MYO1E: variants seen among roughly 807,000 people sequenced by gnomAD.
The protein encoded by MYO1E is myosin IE.
A neutral mutation model predicts 151.1 loss-of-function variants in MYO1E; 68 were observed. The observed-to-expected ratio is 0.45, with a 90% CI of 0.37 to 0.55. The LOEUF (loss-of-function observed/expected upper bound fraction) is 0.55, where lower values mean the gene tolerates loss of function less well. Ranked by LOEUF, MYO1E falls within the 20% of genes least tolerant of loss-of-function variation. MYO1E has a pLI of 0.00. For synonymous variants in MYO1E, 601 were observed against 501.7 expected, an observed-to-expected ratio of 1.20 and a Z score of -2.64; for missense variants, 1,363 against 1,389.3, an observed-to-expected ratio of 0.98 and a Z score of 0.30.
chr15:59,161,083 G>C lies in MYO1E; in HGVS notation c.2775C>G (p.Pro925=), dbSNP rs2079535505. ...CCGTGGAGCACTTACGGGAGTTCTT[G>C]GGCAGTCCAGGTCCGATGCTGACCT... ...VLQVSIGPGL[P]KNSRPTRRNT... is the part of the protein sequence containing the mutation. The change falls in exon 24 of 28, where the codon CCC becomes CCG. Residue 925 remains proline (P), a synonymous_variant. Transcript: ENST00000288235. The C allele has an allele frequency of 6.2e-7, 1 of 1,613,338 alleles. No individual in the cohort carries two copies. Among genetic ancestry groups the C allele is most frequent in the South Asian group, 1.1e-5 (1 of 91,050 alleles).
At chr15:59,270,436 G>C (rs1375224510) in intron 2 of MYO1E, among the ~76,000 whole-genome samples, 1 of 151,476 alleles carries the variant, frequency 6.6e-6, no homozygotes, top group East Asian at 2.0e-4. Context: ...CCAGCTACTT[G>C]GGAGGCTGAG....
intron 23 of MYO1E, among the ~76,000 whole-genome samples, chr15:59,162,559 T>C (rs1246879095): frequency 2.0e-5 from 3 of 151,242 alleles, no homozygotes; most frequent in African/African-American, 4.9e-5. Flanking sequence ...GGCAGGAGAA[T>C]TGCTTGAACC....
At chr15:59,367,949 G>A (rs1181371907) in intron 1 of MYO1E, among the ~76,000 whole-genome samples, 1 of 151,986 alleles carries the variant, frequency 6.6e-6, no homozygotes, top group Non-Finnish European at 1.5e-5. Context: ...GTAAAACCCT[G>A]TCTCTACTAA....
intron 1 of MYO1E, among the ~76,000 whole-genome samples, chr15:59,299,354 AG>A (rs1247008068): frequency 1.3e-5 from 2 of 152,258 alleles, no homozygotes; most frequent in Non-Finnish European, 2.9e-5. Flanking sequence ...CAGTAATTAC[AG>A]GGATGGCATT....
chr15:59,244,244 G>A (rs1358220251), intron 4 of MYO1E, among the ~76,000 whole-genome samples: 1 of 152,226 alleles, frequency 6.6e-6, no homozygotes, highest in Non-Finnish European at 1.5e-5. Flanking sequence ...ATGGCCCCAT[G>A]GCAATGCTCA....
intron 16 of MYO1E, among the ~76,000 whole-genome samples, chr15:59,201,679 C>T (rs1001773272): frequency 1.3e-5 from 2 of 152,186 alleles, no homozygotes; most frequent in Non-Finnish European, 1.5e-5. Flanking sequence ...GCTGGGATTA[C>T]AGGCGTGAGC....
intron 26 of MYO1E, among the ~76,000 whole-genome samples, chr15:59,145,136 T>A (rs1253189442): frequency 6.6e-6 from 1 of 151,572 alleles, no homozygotes; most frequent in Non-Finnish European, 1.5e-5. Flanking sequence ...AGCCACCGCA[T>A]CCGGCCAGGA....
intron 1 of MYO1E, among the ~76,000 whole-genome samples, chr15:59,295,459 C>T (rs2080443253): frequency 6.6e-6 from 1 of 152,164 alleles, no homozygotes; most frequent in African/African-American, 2.4e-5. Context: ...GCCAGGAAGG[C>T]AAGGCTGAGT....
chr15:59,246,390 C>G (rs1326444813), intron 4 of MYO1E, among the ~76,000 whole-genome samples: 2 of 152,214 alleles, frequency 1.3e-5, no homozygotes, highest in Admixed American at 1.3e-4. Context: ...AGGCGTGAGC[C>G]ACCATGCCCA....
At chr15:59,357,184 G>C (rs2080858991) in intron 1 of MYO1E, among the ~76,000 whole-genome samples, 2 of 152,026 alleles carry the variant, frequency 1.3e-5, no homozygotes, top group Non-Finnish European at 2.9e-5. Flanking sequence ...GGGATTACAG[G>C]TGTGAGCCAC....
chr15:59,367,622 AG>A (rs2080921988), intron 1 of MYO1E, among the ~76,000 whole-genome samples: 1 of 152,242 alleles, frequency 6.6e-6, no homozygotes, highest in African/African-American at 2.4e-5. Context: ...AGGGAGACCC[AG>A]TAGGAAGGTG....
intron 1 of MYO1E, among the ~76,000 whole-genome samples, chr15:59,312,033 G>GT (rs1447962922): frequency 1.8e-4 from 27 of 152,192 alleles, no homozygotes; most frequent in African/African-American, 6.5e-4. Context: ...CCAGTCTGTG[G>GT]TATTCAGCTA....
chr15:59,292,272 T>C (rs911459761), intron 1 of MYO1E, among the ~76,000 whole-genome samples: 2 of 152,190 alleles, frequency 1.3e-5, no homozygotes, highest in Admixed American at 1.3e-4. Context: ...ACACACCCAA[T>C]GGGTGTTTCC....
chr15:59,275,521 C>A (rs2080313266), intron 1 of MYO1E, among the ~76,000 whole-genome samples: 1 of 152,074 alleles, frequency 6.6e-6, no homozygotes, highest in African/African-American at 2.4e-5. Flanking sequence ...CTATGTATTA[C>A]TATCTCTATT....
At chr15:59,239,631 A>G (rs1449279555) in intron 4 of MYO1E, among the ~76,000 whole-genome samples, 2 of 152,208 alleles carry the variant, frequency 1.3e-5, no homozygotes, top group African/African-American at 4.8e-5. Context: ...ATAATAATGG[A>G]AAGTAGCTCT....
intron 1 of MYO1E, among the ~76,000 whole-genome samples, chr15:59,369,845 G>A (rs756583462): frequency 3.9e-5 from 6 of 152,052 alleles, no homozygotes; most frequent in Non-Finnish European, 7.4e-5. Flanking sequence ...AGGTACAGAT[G>A]GAGAGCCCTC....
chr15:59,329,962 T>C (rs1309241069), intron 1 of MYO1E, among the ~76,000 whole-genome samples: 1 of 152,238 alleles, frequency 6.6e-6, no homozygotes, highest in Non-Finnish European at 1.5e-5. Context: ...AGAAGCAAAC[T>C]GCAAAATACC....
intron 4 of MYO1E, among the ~76,000 whole-genome samples, chr15:59,249,465 T>C (rs1429010771): frequency 6.6e-6 from 1 of 151,042 alleles, no homozygotes; most frequent in East Asian, 1.9e-4. Flanking sequence ...TCATTTCTAG[T>C]CTTGAAATGG....
At chr15:59,357,858 C>T (rs2080863816) in intron 1 of MYO1E, among the ~76,000 whole-genome samples, 1 of 152,000 alleles carries the variant, frequency 6.6e-6, no homozygotes, top group Admixed American at 6.6e-5. Flanking sequence ...TCCAGCCAGA[C>T]ACAAGCTGAA....
Sources: allele counts gnomAD v4.1 joint callset (sites outside exome capture counted in the v4.1 genomes callset), GRCh38; gene constraint gnomAD v4.1.1; transcripts MANE v1.5; gene names NCBI Gene and HGNC (gene_info 2026-07-23, HGNC 2026-07-21).